Variants in LONRF1 observed in about 807,000 individuals in gnomAD.
LONRF1 encodes LON peptidase N-terminal domain and RING finger protein 1.
Under a neutral mutation model 85.8 loss-of-function variants are expected in LONRF1, and 37 were observed. The observed-to-expected ratio is 0.43, with a 90% CI of 0.33 to 0.57. LONRF1 has a LOEUF of 0.57. Among genes scored for constraint, LONRF1 ranks in the 20% least tolerant of loss-of-function variants. The pLI is 0.04. For synonymous variants in LONRF1, 517 were observed against 390.1 expected (o/e 1.33, Z -3.83); for missense variants, 1,036 against 978.0 (o/e 1.06, Z -0.79).
At chr8:12,753,045 G>A (rs1435584403) in intron 1 of LONRF1, 2 of 152,218 alleles carry the variant, frequency 1.3e-5, no homozygotes, top group Non-Finnish European at 2.9e-5. Context: ...TTACTAGGTG[G>A]TCTGTACAAC....
At position 12,723,079 on chromosome 8, in the gene LONRF1, G is replaced by C. The variant is rs762947153; in HGVS notation, c.*17C>G. On this transcript the variant is annotated 3_prime_UTR_variant, in exon 12 of 12. Transcript: ENST00000398246. ...AGCCAGATTAGGGTCACTTTAAAGG[G>C]AGATCCAAAGAGTTAGTTACTTAGA... 1 of 1,598,210 alleles carries C rather than the reference G, an allele frequency of 6.3e-7. No individual in the cohort carries two copies. The highest frequency in any genetic ancestry group is 8.5e-7 in the Non-Finnish European group (1 of 1,171,666).
chr8:12,733,894 A>T (rs994283431), intron 7 of LONRF1, among the ~76,000 whole-genome samples: 5 of 152,198 alleles, frequency 3.3e-5, no homozygotes, highest in Admixed American at 6.5e-5. Context: ...GGGTATCTTC[A>T]AAGTTGGAAA....
chr8:12,727,805 G>A (rs1798377747), intron 10 of LONRF1, among the ~76,000 whole-genome samples: 1 of 152,144 alleles, frequency 6.6e-6, no homozygotes, highest in South Asian at 2.1e-4. Flanking sequence ...TCGGCCAACT[G>A]CACAAGACAA....
chr8:12,746,601 C>T (rs925033290), intron 1 of LONRF1, among the ~76,000 whole-genome samples: 2 of 152,220 alleles, frequency 1.3e-5, no homozygotes, highest in Non-Finnish European at 1.5e-5. Context: ...AATCTCTGTA[C>T]TTTAATTTCC....
chr8:12,734,336 T>C (rs1038299219), intron 7 of LONRF1, among the ~76,000 whole-genome samples: 3 of 152,176 alleles, frequency 2.0e-5, no homozygotes, highest in East Asian at 1.9e-4. Flanking sequence ...CCGTACTGAG[T>C]TGTTTTCTAT....
At chr8:12,743,668 T>A (rs1799029749) in intron 1 of LONRF1, among the ~76,000 whole-genome samples, 1 of 152,184 alleles carries the variant, frequency 6.6e-6, no homozygotes, top group African/African-American at 2.4e-5. Flanking sequence ...TTACCCTACT[T>A]TCTAAATCTT....
chr8:12,754,703 C>T lies in LONRF1; in HGVS notation c.718G>A (p.Ala240Thr), dbSNP rs1799560579. 1 of 1,372,736 alleles carries T rather than the reference C, an allele frequency of 7.3e-7. No individual in the cohort carries two copies. The highest frequency in any genetic ancestry group is 9.3e-7 in the Non-Finnish European group (1 of 1,073,088). The allele number at this position is 1,372,736 out of a possible 1,614,324, so 85.0% of individuals were successfully genotyped here. A position where few individuals can be genotyped will look rare whatever the true frequency, so the allele number is the denominator to read the frequency against. Residue 240 changes from alanine to threonine, a missense_variant, in exon 1 of 12, where the codon GCA (alanine) becomes ACA (threonine). By Grantham distance (58) the Ala-to-Thr change is moderately conservative. Coordinates refer to ENST00000398246, the MANE Select transcript of LONRF1 (RefSeq NM_152271.5). ...ALAAACEALR[A>T]EPSDLIVKIY... Reference sequence around the variant, plus strand: ...CGCCGCATCCCCGCGCGGTCACCTGCTCGCAGCGCCTCGCAGGCGGCGGCC... The same window carrying T: ...CGCCGCATCCCCGCGCGGTCACCTGTTCGCAGCGCCTCGCAGGCGGCGGCC...
chr8:12,754,754 G>A lies in LONRF1; in HGVS notation c.667C>T (p.His223Tyr). The part of the protein sequence containing the change: ...RAAGRLGELL[H>Y]QGRYREALAA... ...AGGGCCTCCCGGTAGCGCCCCTGGTGCAGTAGCTCCCCGAGCCTGCCGGCC... is the reference window on the plus strand; with the variant it reads ...AGGGCCTCCCGGTAGCGCCCCTGGTACAGTAGCTCCCCGAGCCTGCCGGCC... The change falls in exon 1 of 12, where the codon CAC (histidine) becomes TAC (tyrosine). Residue 223 changes from histidine (H) to tyrosine (Y), a missense_variant. By Grantham distance (83) the His-to-Tyr change is moderately conservative. Coordinates refer to ENST00000398246, the MANE Select transcript of LONRF1 (RefSeq NM_152271.5). The A allele has an allele frequency of 6.9e-7, 1 of 1,458,408 alleles. No individual in the cohort carries two copies. The highest frequency in any genetic ancestry group is 9.0e-7 in the Non-Finnish European group (1 of 1,113,822). 90.3% of individuals were successfully genotyped at this position (1,458,408 alleles called of 1,614,324 possible).
intron 1 of LONRF1, among the ~76,000 whole-genome samples, chr8:12,743,716 T>C (rs80109101): frequency 0.017 from 2,576 of 152,222 alleles, 86 homozygotes; most frequent in African/African-American, 0.059. Context: ...CTATTACATA[T>C]GGAATTCCCA....
intron 1 of LONRF1, among the ~76,000 whole-genome samples, chr8:12,743,805 G>C (rs1182913496): frequency 2.0e-5 from 3 of 152,258 alleles, no homozygotes; most frequent in Non-Finnish European, 2.9e-5. Flanking sequence ...GGGTTAATAA[G>C]AGTCAGCTTT....
Position 12,743,193 on chromosome 8 carries a change from C to G in LONRF1, c.811G>C (p.Val271Leu), listed in dbSNP as rs752983003. 1.2e-6 allele frequency: 2 copies of G among 1,612,088 alleles called. No individual in the cohort carries two copies. Among genetic ancestry groups the G allele is most frequent in the African/African-American group, 2.7e-5 (2 of 74,840 alleles). The change falls in exon 2 of 12, where the codon GTT becomes CTT. Residue 271 changes from valine to leucine, a missense_variant. Physicochemically the swap from Val to Leu is conservative, Grantham distance 32. Coordinates refer to ENST00000398246, the MANE Select transcript of LONRF1 (RefSeq NM_152271.5). The stretch of plus-strand genomic sequence containing the variant: ...GGCCAATCTGGAAGTTGAAAAAGAA[C>G]TGCATTTAAATCTTCTATGGCTGCT... ...FKAAIEDLNA[V>L]LFQLPDWPEV...
intron 1 of LONRF1, chr8:12,753,945 A>C (rs1296572136): frequency 2.6e-5 from 4 of 152,516 alleles, no homozygotes; most frequent in African/African-American, 7.2e-5. Context: ...GTACATAGGA[A>C]ATAAGCAGGA....
chr8:12,750,401 TATC>T (rs992220939), intron 1 of LONRF1, among the ~76,000 whole-genome samples: 11 of 152,200 alleles, frequency 7.2e-5, no homozygotes, highest in African/African-American at 2.7e-4. Context: ...CTATATATAC[TATC>T]ATACCTGTGA....
At position 12,755,358 on chromosome 8, in the gene LONRF1, C is replaced by T. The variant is rs1397911205; in HGVS notation, c.63G>A (p.Pro21=). ...CTTCCCAGAACCGGCCTCGGCCCTG[C>T]GGCGCTGGGGCCATCTCCCGACTCC... ...PGGSREMAPA[P]QGRGRFWEVG... is the part of the protein sequence containing the mutation. Residue 21 remains proline, a synonymous_variant, in exon 1 of 12, where the codon CCG becomes CCA. Coordinates refer to ENST00000398246, the MANE Select transcript of LONRF1 (RefSeq NM_152271.5). The T allele has an allele frequency of 8.2e-7, 1 of 1,221,500 alleles. No homozygotes were observed. Among genetic ancestry groups the T allele is most frequent in the Non-Finnish European group, 1.0e-6 (1 of 978,392 alleles). The allele number at this position is 1,221,500 out of a possible 1,614,324, so 75.7% of individuals were successfully genotyped here. A position where few individuals can be genotyped will look rare whatever the true frequency, so the allele number is the denominator to read the frequency against.
rs767731349 is a variant in LONRF1 at position 12,743,188 on chromosome 8, A to G, written c.816T>C (p.Leu272=). ...CCTCAGGCCAATCTGGAAGTTGAAA[A>G]AGAACTGCATTTAAATCTTCTATGG... ...KAAIEDLNAV[L]FQLPDWPEVY... The change falls in exon 2 of 12, where the codon CTT becomes CTC. Residue 272 remains leucine, a synonymous_variant. Coordinates refer to ENST00000398246, the MANE Select transcript of LONRF1 (RefSeq NM_152271.5). 8.1e-6 allele frequency: 13 copies of G among 1,611,806 alleles called. 1 individual carries two copies. Among genetic ancestry groups the G allele is most frequent in the Middle Eastern group, 3.3e-4 (2 of 6,054 alleles).
intron 1 of LONRF1, among the ~76,000 whole-genome samples, chr8:12,752,742 A>G (rs1017539514): frequency 6.6e-6 from 1 of 152,232 alleles, no homozygotes; most frequent in African/African-American, 2.4e-5. Flanking sequence ...TCAATTATCA[A>G]AAGTGCTCAC....
chr8:12,723,139 A>C lies in LONRF1; in HGVS notation c.2279T>G (p.Ile760Arg), dbSNP rs1326634800. The change falls in exon 12 of 12, where the codon ATA (isoleucine) becomes AGA (arginine). Residue 760 changes from isoleucine (I) to arginine (R), a missense_variant. This residue lies in a region of LONRF1 where 265 missense variants were observed against 301.5 expected (regional missense o/e 0.88). Coordinates refer to ENST00000398246, the MANE Select transcript of LONRF1 (RefSeq NM_152271.5). The stretch of plus-strand genomic sequence containing the variant: ...AGAAAAATAGGTCAGTATATGCTGT[A>C]TCTTGGTCAACCGTTCTTTCAAAGA... Reference protein sequence around the residue: ...MKSLKERLTKIQHILTYFSRD... With the variant: ...MKSLKERLTKRQHILTYFSRD... 1 of 1,614,046 alleles carries C rather than the reference A, an allele frequency of 6.2e-7. No individual in the cohort carries two copies. Among genetic ancestry groups the C allele is most frequent in the Non-Finnish European group, 8.5e-7 (1 of 1,179,988 alleles).
chr8:12,741,405 G>A (rs1034806347), intron 2 of LONRF1, among the ~76,000 whole-genome samples: 1 of 151,994 alleles, frequency 6.6e-6, no homozygotes, highest in Non-Finnish European at 1.5e-5. Context: ...AAAAGGAAAT[G>A]CAGATTTTGA....
chr8:12,731,833 C>T lies in LONRF1; in HGVS notation c.1591G>A (p.Val531Ile). 1.9e-6 allele frequency: 3 copies of T among 1,612,908 alleles called. No individual in the cohort carries two copies. Residue 531 changes from valine to isoleucine, a missense_variant, in exon 8 of 12, where the codon GTC (valine) becomes ATC (isoleucine). Coordinates refer to ENST00000398246, the MANE Select transcript of LONRF1 (RefSeq NM_152271.5). ...ATTAATTCTTCCAACAGCTGTGTGA[C>T]ACAGTACCTCCTATCTGCTAGATAC... Reference protein sequence around the residue: ...KEYLADRRYCVTQLLEELIVK... With the variant: ...KEYLADRRYCITQLLEELIVK...
Sources: gnomAD v4.1 joint callset for allele counts (sites outside exome capture counted in the v4.1 genomes callset) on GRCh38, gnomAD v4.1.1 for gene constraint, gnomAD v4.1.1 regional missense constraint, MANE v1.5 for transcripts, NCBI Gene and HGNC (gene_info 2026-07-23, HGNC 2026-07-21) for gene names.